NUMBL: variants seen among roughly 807,000 people sequenced by gnomAD.
The protein encoded by NUMBL is numb-like protein.
In NUMBL, 20 loss-of-function variants were observed where a neutral mutation model predicts 48.9. The observed-to-expected ratio is 0.41, with a 90% CI of 0.29 to 0.59. NUMBL has a LOEUF of 0.59. Ranked by LOEUF, NUMBL falls within the 20% of genes least tolerant of loss-of-function variation. The pLI, the probability that NUMBL is intolerant of heterozygous loss-of-function variation, is 0.31. For missense variants in NUMBL, 660 were observed against 846.2 expected, an observed-to-expected ratio of 0.78 and a Z score of 2.73; for synonymous variants, 340 against 348.7, an observed-to-expected ratio of 0.98 and a Z score of 0.28.
intron 2 of NUMBL, 117 bp from the exon 3 acceptor site, chr19:40,684,673 G>A: frequency 1.5e-6 from 2 of 1,367,860 alleles, no homozygotes; most frequent in Non-Finnish European, 9.7e-7. Flanking sequence ...ACTGGAAGCG[G>A]GGTTACAGGG....
chr19:40,675,576 A>AACACAC (rs3071383), intron 7 of NUMBL, among the ~76,000 whole-genome samples: 1,580 of 142,358 alleles, frequency 0.011, 27 homozygotes, highest in African/African-American at 0.032. Context: ...TTATATTTTA[A>AACACAC]ACACACACAC....
Position 40,687,678 on chromosome 19 carries a change from CG to C in NUMBL, c.25-684del, listed in dbSNP as rs1239990836. 1.3e-5 allele frequency among the ~76,000 whole-genome samples: 2 copies of C among 152,312 alleles called. No individual in the cohort carries two copies. Among genetic ancestry groups the C allele is most frequent in the Middle Eastern group, 3.4e-3 (1 of 294 alleles). On this transcript the variant is annotated intron_variant, in intron 1 of 9. Coordinates refer to ENST00000252891, the MANE Select transcript of NUMBL (RefSeq NM_004756.5). The surrounding 1 kb of genome is among the most constrained non-coding windows in gnomAD (Gnocchi z 4.6). ...TGACAGCTATGTTTCCTCAGGCACC[CG>C]CCCAAGATACTGACGTCACAGGCCC...
rs1217923193 is a variant in NUMBL, at chr19:40,667,758, G to T, written c.1540C>A (p.Gln514Lys). Residue 514 changes from glutamine to lysine, a missense_variant, in exon 10 of 10, where the codon CAG becomes AAG. Physicochemically the swap from Gln to Lys is moderately conservative, Grantham distance 53 (BLOSUM62 1). Transcript: ENST00000252891. The surrounding 1 kb of genome is among the most constrained non-coding windows in gnomAD (Gnocchi z 6.1). ...GAGCAGAAGGCGTTTGCCACCATCT[G>T]TGAGGGTGTGATGCCCACCACGGGC... ...RVPVVGITPS[Q>K]MVANAFCSAA... 1 of 1,580,584 alleles carries T rather than the reference G, an allele frequency of 6.3e-7. No individual in the cohort carries two copies. Among genetic ancestry groups the T allele is most frequent in the Non-Finnish European group, 8.6e-7 (1 of 1,163,864 alleles).
intron 3 of NUMBL, among the ~76,000 whole-genome samples, chr19:40,683,446 TTAA>T (rs1450893461): frequency 6.6e-6 from 1 of 152,170 alleles, no homozygotes; most frequent in Non-Finnish European, 1.5e-5. Context: ...TGCTGCAGTT[TTAA>T]TAACACACCC....
In NUMBL at chr19:40,683,504, C is replaced by T. The variant is rs369819807; in HGVS notation, c.250-536G>A. Reference sequence around the variant, plus strand: ...TCCTCACTCCCAACACCATTTCCTGCACCTCCCAAATGAAGCCGTCACATT... The same window carrying T: ...TCCTCACTCCCAACACCATTTCCTGTACCTCCCAAATGAAGCCGTCACATT... On this transcript the variant is annotated intron_variant, in intron 3 of 9. Coordinates refer to ENST00000252891, the MANE Select transcript of NUMBL (RefSeq NM_004756.5). Among the ~76,000 whole-genome samples the T allele has an allele frequency of 7.9e-5, 12 of 152,300 alleles. No homozygotes were observed. In the South Asian group the frequency reaches 1.7e-3, roughly 21 times the overall value.
At position 40,683,043 on chromosome 19, in the gene NUMBL, C is replaced by G. The variant is rs370352126; in HGVS notation, c.250-75G>C. The G allele has an allele frequency of 2.4e-4, 303 of 1,260,454 alleles. 2 individuals carry two copies. The African/African-American group carries it at 3.6e-3, about 15-fold the overall frequency. 78.1% of individuals were successfully genotyped at this position (1,260,454 alleles called of 1,614,324 possible). ...CTCATTCTCAGTGTCCACTGAGCAT[C>G]TGCCATGCAGTAGACAATATTTTAA... On this transcript the variant is annotated intron_variant, in intron 3 of 9. Coordinates refer to ENST00000252891, the MANE Select transcript of NUMBL (RefSeq NM_004756.5).
In NUMBL at chr19:40,682,704, C is replaced by G. The variant is rs369122101; in HGVS notation, c.399+24G>C. ...CAGGGTGAGCAGACAGGCCCCCTGG[C>G]GTCCACCCCCACAGGCCTCCTACCT... On this transcript the variant is annotated intron_variant, in intron 5 of 9. Transcript: ENST00000252891. The surrounding 1 kb of genome is among the most constrained non-coding windows in gnomAD (Gnocchi z 4.0). 6.2e-7 allele frequency: 1 copy of G among 1,609,872 alleles called. No individual in the cohort carries two copies. Among genetic ancestry groups the G allele is most frequent in the Non-Finnish European group, 8.5e-7 (1 of 1,177,294 alleles).
chr19:40,667,586 G>C lies in NUMBL; in HGVS notation c.1712C>G (p.Ala571Gly), dbSNP rs2081817459. 12 of 1,555,768 alleles carry C rather than the reference G, an allele frequency of 7.7e-6. No homozygotes were observed. Among genetic ancestry groups the C allele is most frequent in the Non-Finnish European group, 9.6e-6 (11 of 1,149,578 alleles). The change falls in exon 10 of 10, where the codon GCT becomes GGT. Residue 571 changes from alanine (A) to glycine (G), a missense_variant. Physicochemically the swap from Ala to Gly is moderately conservative, Grantham distance 60. Around this residue, in one of 3 missense-constraint regions of NUMBL, gnomAD observed 296 missense variants for 339.7 expected, o/e 0.87. Coordinates refer to ENST00000252891, the MANE Select transcript of NUMBL (RefSeq NM_004756.5). This position sits in a 1 kb window ranked among gnomAD's most constrained non-coding sequence, Gnocchi z 6.1. ...PWPPEPAPAP[A>G]PELDPFEAQW... The stretch of plus-strand genomic sequence containing the variant: ...GGCCTCAAAGGGGTCCAACTCTGGA[G>C]CTGGGGCAGGCGCTGGCTCAGGGGG...
intron 7 of NUMBL, among the ~76,000 whole-genome samples, chr19:40,676,171 G>A (rs2081875077): frequency 6.6e-6 from 1 of 152,118 alleles, no homozygotes; most frequent in Admixed American, 6.6e-5. Flanking sequence ...TGGGAGGATC[G>A]TTTGAGGCCA....
chr19:40,667,311 G>T lies in NUMBL; in HGVS notation c.*157C>A. 1 of 1,075,590 alleles carries T rather than the reference G, an allele frequency of 9.3e-7. No individual in the cohort carries two copies. Among genetic ancestry groups the T allele is most frequent in the Non-Finnish European group, 1.3e-6 (1 of 769,740 alleles). The allele number at this position is 1,075,590 out of a possible 1,614,324, so 66.6% of individuals were successfully genotyped here. On this transcript the variant is annotated 3_prime_UTR_variant, in exon 10 of 10. Coordinates refer to ENST00000252891, the MANE Select transcript of NUMBL (RefSeq NM_004756.5). The surrounding 1 kb of genome is among the most constrained non-coding windows in gnomAD (Gnocchi z 6.1). ...CCTGTTGCAACCTGGGCGTCACAAT[G>T]TTGGTTCTGTAGTGGTTGTCGGGGT... is the stretch of plus-strand genomic sequence containing the variant.
In NUMBL at chr19:40,682,642, A is replaced by G; in HGVS notation, c.399+86T>C. The G allele has an allele frequency of 8.0e-7, 1 of 1,251,820 alleles. No homozygotes were observed. The highest frequency in any genetic ancestry group is 1.1e-6 in the Non-Finnish European group (1 of 872,904). 77.5% of individuals were successfully genotyped at this position (1,251,820 alleles called of 1,614,324 possible). A position where few individuals can be genotyped will look rare whatever the true frequency, so the allele number is the denominator to read the frequency against. On this transcript the variant is annotated intron_variant, in intron 5 of 9. Transcript: ENST00000252891. The surrounding 1 kb of genome is among the most constrained non-coding windows in gnomAD (Gnocchi z 4.0). ...GAAGGTCCCTGAGGGAGGGATGTGC[A>G]GAGGAGGCGGGAAGGTGTCCTCCGC...
At position 40,682,928 on chromosome 19, in the gene NUMBL, T is replaced by A. The variant is rs199917873; in HGVS notation, c.290A>T (p.His97Leu). ...HVEVEESRGMHVCEDAVKKLK... is the reference protein window; with the variant it reads ...HVEVEESRGMLVCEDAVKKLK... ...CTTCTTCACCGCATCTTCACACACGTGCATTCCCCGGGACTCCTCTACCTC... is the reference window on the plus strand; with the variant it reads ...CTTCTTCACCGCATCTTCACACACGAGCATTCCCCGGGACTCCTCTACCTC... The change falls in exon 4 of 10, where the codon CAC becomes CTC. Residue 97 changes from histidine (H) to leucine (L), a missense_variant. By Grantham distance (99) the His-to-Leu change is moderately conservative. Coordinates refer to ENST00000252891, the MANE Select transcript of NUMBL (RefSeq NM_004756.5). The surrounding 1 kb of genome is among the most constrained non-coding windows in gnomAD (Gnocchi z 4.0). The A allele has an allele frequency of 6.2e-7, 1 of 1,611,206 alleles. No individual in the cohort carries two copies. The highest frequency in any genetic ancestry group is 8.5e-7 in the Non-Finnish European group (1 of 1,178,970).
chr19:40,670,104 C>A, intron 8 of NUMBL, 84 bp from the exon 9 acceptor site: 1 of 1,516,368 alleles, frequency 6.6e-7, no homozygotes, highest in Admixed American at 2.1e-5. Context: ...CCTCGGTGGC[C>A]CTCTCTTCTG....
rs940045572 is a variant in NUMBL, at chr19:40,680,827, T to A, written c.540+90A>T. On this transcript the variant is annotated intron_variant, in intron 6 of 9. Transcript: ENST00000252891. ...AGGAAACTGGGCACACAGAGGTTAG[T>A]GATGTGCCTGAATGCAGGAAGCTTG... is the stretch of plus-strand genomic sequence containing the variant. 2.2e-6 allele frequency: 3 copies of A among 1,383,616 alleles called. No individual in the cohort carries two copies. The East Asian group carries it at 6.9e-5, about 32-fold the overall frequency. 85.7% of individuals were successfully genotyped at this position (1,383,616 alleles called of 1,614,324 possible).
In NUMBL at chr19:40,667,779, C is replaced by T. The variant is rs757456532; in HGVS notation, c.1519G>A (p.Val507Met). Residue 507 changes from valine to methionine, a missense_variant, in exon 10 of 10, where the codon GTG becomes ATG. Transcript: ENST00000252891. This position sits in a 1 kb window ranked among gnomAD's most constrained non-coding sequence, Gnocchi z 6.1. ...LGYPPMPRVP[V>M]VGITPSQMVA... ...ATCTGTGAGGGTGTGATGCCCACCA[C>T]GGGCACCCGGGGCATCGGTGGGTAG... 90 of 1,579,984 alleles carry T rather than the reference C, an allele frequency of 5.7e-5. No homozygotes were observed. In the Middle Eastern group the frequency reaches 6.6e-4, roughly 12 times the overall value.
chr19:40,684,694 G>T lies in NUMBL; in HGVS notation c.110-138C>A, dbSNP rs957521800. The T allele has an allele frequency of 4.2e-6, 5 of 1,199,928 alleles. No homozygotes were observed. The East Asian group carries it at 8.3e-5, about 20-fold the overall frequency. 74.3% of individuals were successfully genotyped at this position (1,199,928 alleles called of 1,614,324 possible). ...AGCGGGGTTACAGGGTCAGTTGGCA[G>T]CGCACATGGGATCAGCAGCTCAAGT... On this transcript the variant is annotated intron_variant, in intron 2 of 9. Transcript: ENST00000252891.
intron 2 of NUMBL, chr19:40,684,821 G>C (rs3815912): frequency 4.6e-6 from 2 of 436,522 alleles, no homozygotes. Context: ...GGTCTGGGGT[G>C]GGGGGTATGG....
chr19:40,673,275 C>A lies in NUMBL; in HGVS notation c.1036+69G>T. 6.9e-7 allele frequency: 1 copy of A among 1,455,942 alleles called. No individual in the cohort carries two copies. The highest frequency in any genetic ancestry group is 9.2e-7 in the Non-Finnish European group (1 of 1,082,594). The allele number at this position is 1,455,942 out of a possible 1,614,324, so 90.2% of individuals were successfully genotyped here. A position where few individuals can be genotyped will look rare whatever the true frequency, so the allele number is the denominator to read the frequency against. ...AATCACAGTGTGAACCATCTCGCCT[C>A]CATCCCTTGCCCACATCAGATAGTG... On this transcript the variant is annotated intron_variant, in intron 8 of 9. Transcript: ENST00000252891. The surrounding 1 kb of genome is among the most constrained non-coding windows in gnomAD (Gnocchi z 5.9).
chr19:40,675,614 C>CAG (rs997339322), intron 7 of NUMBL, among the ~76,000 whole-genome samples: 4 of 138,222 alleles, frequency 2.9e-5, no homozygotes, highest in Middle Eastern at 3.5e-3. Flanking sequence ...CACACACACA[C>CAG]AGAGTTTTAG....
Sources: allele counts gnomAD v4.1 joint callset (sites outside exome capture counted in the v4.1 genomes callset), GRCh38; gene constraint gnomAD v4.1.1; regional missense constraint gnomAD v4.1.1; non-coding constraint Gnocchi (gnomAD v3.1); transcripts MANE v1.5; gene names NCBI Gene and HGNC (gene_info 2026-07-23, HGNC 2026-07-21).